Variants in NRK observed in about 807,000 individuals in gnomAD.
NRK encodes the protein Nik related kinase.
In NRK, 67 loss-of-function variants were observed where a neutral mutation model predicts 125.2. That is an observed-to-expected ratio of 0.54 (90% CI 0.44 to 0.66). The LOEUF is 0.66. Among genes scored for constraint, NRK ranks in the 30% least tolerant of loss-of-function variants. NRK has a pLI of 0.00. For synonymous variants in NRK, 458 were observed against 429.0 expected (o/e 1.07, Z -0.84); for missense variants, 1,224 against 1,192.9 (o/e 1.03, Z -0.38).
intron 27 of NRK, among the ~76,000 whole-genome samples, chrX:105,951,802 G>T (rs888010699): frequency 8.9e-6 from 1 of 112,398 alleles, no homozygotes; most frequent in Non-Finnish European, 1.9e-5. Context: ...TGGGACTACG[G>T]TGGAAATTAT....
At chrX:105,903,642 T>C (rs1327941362) in intron 9 of NRK, among the ~76,000 whole-genome samples, 2 of 111,459 alleles carry the variant, frequency 1.8e-5, no homozygotes, top group Admixed American at 9.6e-5. Context: ...AATTAGACTA[T>C]ATAGGAAACC....
chrX:105,833,946 C>G lies in NRK; in HGVS notation c.123+2827C>G, dbSNP rs2039228306. On this transcript the variant is annotated intron_variant, in intron 2 of 28. Transcript: ENST00000243300. ...CAAACCCACAAAACTACTGTACTTT[C>G]CCTATACTTACTCTTTTCCCTGTTT... Among the ~76,000 whole-genome samples the G allele has an allele frequency of 2.7e-5, 3 of 111,829 alleles. No individual in the cohort carries two copies. The South Asian group carries it at 1.1e-3, about 41-fold the overall frequency.
At chrX:105,905,130 T>C in intron 9 of NRK, 135 bp from the exon 10 acceptor site, 1 of 454,677 alleles carries the variant, frequency 2.2e-6, no homozygotes, top group Non-Finnish European at 3.8e-6. Flanking sequence ...AAATACATTC[T>C]TTTGTATCTA....
intron 15 of NRK, among the ~76,000 whole-genome samples, chrX:105,917,189 T>A (rs1327364937): frequency 9.0e-6 from 1 of 111,029 alleles, no homozygotes; most frequent in Non-Finnish European, 1.9e-5. Context: ...CAATAGAATA[T>A]ATGACATAAC....
rs2040974351 is a variant in NRK at position 105,956,146 on chromosome X, G to A, written c.*546G>A. ...AAACTATGGCGACAAAGGGGAAAAG[G>A]CCACCACTCGTTTTCTCACTGATTC... On this transcript the variant is annotated 3_prime_UTR_variant, in exon 29 of 29. Transcript: ENST00000243300. 1.8e-5 allele frequency: 2 copies of A among 111,391 alleles called. No homozygotes were observed. The highest frequency in any genetic ancestry group is 3.8e-5 in the Non-Finnish European group (2 of 53,028). 9.2% of individuals were successfully genotyped at this position (111,391 alleles called of 1,213,427 possible). A position where few individuals can be genotyped will look rare whatever the true frequency, so the allele number is the denominator to read the frequency against.
At chrX:105,949,850 GT>G (rs2040868534) in intron 27 of NRK, 116 bp downstream of exon 27, 1 of 490,135 alleles carries the variant, frequency 2.0e-6, no homozygotes, top group Non-Finnish European at 3.3e-6. Context: ...CATAAGATTA[GT>G]TTGGGGTTCT....
At chrX:105,939,820 A>T (rs1283980601) in intron 22 of NRK, 54 bp from the exon 23 acceptor site, 2 of 701,271 alleles carry the variant, frequency 2.9e-6, no homozygotes, top group Admixed American at 4.6e-5. Flanking sequence ...TTTTTCTTCT[A>T]ATATATGAAA....
chrX:105,826,849 A>G (rs1346718248), intron 1 of NRK, among the ~76,000 whole-genome samples: 1 of 110,747 alleles, frequency 9.0e-6, no homozygotes, highest in Non-Finnish European at 1.9e-5. Flanking sequence ...AATTACATAT[A>G]TATAGAGCAT....
At chrX:105,885,160 T>C (rs1293151239) in intron 4 of NRK, among the ~76,000 whole-genome samples, 1 of 112,223 alleles carries the variant, frequency 8.9e-6, no homozygotes, top group African/African-American at 3.2e-5. Flanking sequence ...TCTTAATAAT[T>C]TTTATAAATT....
At chrX:105,833,515 A>G (rs1208058126) in intron 2 of NRK, among the ~76,000 whole-genome samples, 3 of 111,367 alleles carry the variant, frequency 2.7e-5, no homozygotes, top group African/African-American at 9.8e-5. Flanking sequence ...GATGTGAGAA[A>G]TAAAAGCTCA....
chrX:105,867,739 T>A (rs1378856167), intron 2 of NRK, among the ~76,000 whole-genome samples: 2 of 112,001 alleles, frequency 1.8e-5, no homozygotes, highest in East Asian at 5.6e-4. Context: ...CTTATTATTA[T>A]AGCAGTAATT....
At chrX:105,845,405 A>C (rs923570080) in intron 2 of NRK, among the ~76,000 whole-genome samples, 1 of 111,542 alleles carries the variant, frequency 9.0e-6, no homozygotes, top group Non-Finnish European at 1.9e-5. Context: ...AAGTGGGGAA[A>C]GAGAGAAATA....
intron 4 of NRK, among the ~76,000 whole-genome samples, chrX:105,886,111 C>G (rs1451436269): frequency 2.7e-5 from 3 of 109,532 alleles, no homozygotes; most frequent in African/African-American, 1.0e-4. Flanking sequence ...CTCATCTAAC[C>G]AGATGGCTCC....
chrX:105,941,632 G>A (rs2040743960), intron 23 of NRK, among the ~76,000 whole-genome samples: 1 of 108,871 alleles, frequency 9.2e-6, no homozygotes, highest in Admixed American at 9.9e-5. Context: ...CCAAGAAAGG[G>A]CTTTATAGCA....
At chrX:105,937,022 A>G (rs1218437644) in intron 21 of NRK, among the ~76,000 whole-genome samples, 1 of 110,697 alleles carries the variant, frequency 9.0e-6, no homozygotes, top group East Asian at 2.8e-4. Flanking sequence ...AATTTTCAAA[A>G]AGGTTGATTG....
At chrX:105,874,474 A>G (rs2039788591) in intron 2 of NRK, among the ~76,000 whole-genome samples, 1 of 111,976 alleles carries the variant, frequency 8.9e-6, no homozygotes, top group African/African-American at 3.2e-5. Flanking sequence ...TCCCCAGTGT[A>G]AAAATTGACC....
chrX:105,868,456 C>T (rs764285916), intron 2 of NRK, among the ~76,000 whole-genome samples: 4 of 111,245 alleles, frequency 3.6e-5, no homozygotes, highest in Non-Finnish European at 5.7e-5. Flanking sequence ...CACATATACA[C>T]ACATTTATTG....
At chrX:105,894,960 C>A (rs190721306) in intron 6 of NRK, among the ~76,000 whole-genome samples, 212 of 112,182 alleles carry the variant, frequency 1.9e-3, no homozygotes, top group African/African-American at 6.7e-3. Context: ...TAAGCCAACA[C>A]AGATTACAAA....
At chrX:105,852,352 A>C (rs1301204206) in intron 2 of NRK, among the ~76,000 whole-genome samples, 4 of 111,904 alleles carry the variant, frequency 3.6e-5, no homozygotes, top group Admixed American at 1.9e-4. Context: ...GGTCATGGCT[A>C]TAAAAGAAGT....
Sources: gnomAD v4.1 joint callset for allele counts (sites outside exome capture counted in the v4.1 genomes callset) on GRCh38, gnomAD v4.1.1 for gene constraint, MANE v1.5 for transcripts, NCBI Gene and HGNC (gene_info 2026-07-23, HGNC 2026-07-21) for gene names.